The following NUP98 variants were observed in gnomAD, a reference collection of about 807,000 sequenced individuals.
The protein encoded by NUP98 is nucleoporin 98 and 96 precursor, also known as nuclear pore complex protein Nup98-Nup96.
NUP98 carries 26 observed loss-of-function variants against 191.9 expected under a neutral mutation model. The ratio of observed to expected loss-of-function variants is 0.14; its 90% CI spans 0.10 to 0.19. NUP98 has a LOEUF of 0.19. Ranked by LOEUF, NUP98 falls within the 10% of genes least tolerant of loss-of-function variation. The probability of loss-of-function intolerance (pLI) is 1.00; values close to 1 mark genes in which losing one functional copy is unlikely to be tolerated. For missense variants in NUP98, 1,941 were observed against 2,178.8 expected (o/e 0.89, Z 2.17); for synonymous variants, 808 against 778.4 (o/e 1.04, Z -0.63).
chr11:3,753,968 A>G (rs2080865455), intron 10 of NUP98, among the ~76,000 whole-genome samples: 1 of 151,404 alleles, frequency 6.6e-6, no homozygotes. Flanking sequence ...TAAATAAATA[A>G]AATAAAATAA....
chr11:3,696,439 T>C (rs941678955), intron 25 of NUP98, among the ~76,000 whole-genome samples: 8 of 151,666 alleles, frequency 5.3e-5, no homozygotes, highest in African/African-American at 1.9e-4. Flanking sequence ...AAGGCAGAAG[T>C]TGCAGTAAAC....
rs751433448 is a variant in NUP98, at chr11:3,683,460, T to G, written c.4677-19A>C. On this transcript the variant is annotated intron_variant, in intron 29 of 32. Transcript: ENST00000324932. ...ACGTATGCTACAGGGAGAGATAAGC[T>G]AGAATAAATCCCATCCTCATTCATG... The G allele has an allele frequency of 1.9e-6, 3 of 1,613,364 alleles. No homozygotes were observed. In the East Asian group the frequency reaches 6.7e-5, roughly 36 times the overall value.
At chr11:3,709,584 A>C (rs1203307945) in intron 20 of NUP98, among the ~76,000 whole-genome samples, 2 of 151,720 alleles carry the variant, frequency 1.3e-5, no homozygotes, top group Admixed American at 1.3e-4. Context: ...ATGCACCTGC[A>C]GTCCCAGTTA....
rs574289136 is a variant in NUP98, at chr11:3,699,152, A to C, written c.3939T>G (p.Pro1313=). ...TGAGGTAGCTGAATACAGCCTCCAC[A>C]GGGCTGTTTTTTTGGGTTAAGGAGA... is the stretch of plus-strand genomic sequence containing the variant. The part of the protein sequence containing the change: ...EEVSLTQKNS[P]VEAVFSYLTG... The change falls in exon 25 of 33, where the codon CCT becomes CCG. Residue 1313 remains proline, a synonymous_variant. Transcript: ENST00000324932. 1 of 1,613,948 alleles carries C rather than the reference A, an allele frequency of 6.2e-7. No homozygotes were observed. The highest frequency in any genetic ancestry group is 1.7e-5 in the Admixed American group (1 of 60,024).
chr11:3,730,924 C>A (rs1046557494), intron 14 of NUP98, among the ~76,000 whole-genome samples: 2 of 152,144 alleles, frequency 1.3e-5, no homozygotes, highest in African/African-American at 4.8e-5. Flanking sequence ...TGGGAGTGAT[C>A]GGGTGACTTT....
intron 26 of NUP98, among the ~76,000 whole-genome samples, chr11:3,693,910 TAAA>T (rs1589971393): frequency 6.6e-6 from 1 of 152,192 alleles, no homozygotes; most frequent in Non-Finnish European, 1.5e-5. Flanking sequence ...CCAACAGCCA[TAAA>T]ATGGAACATA....
At chr11:3,721,969 G>GA (rs2079419099) in intron 16 of NUP98, among the ~76,000 whole-genome samples, 1 of 152,010 alleles carries the variant, frequency 6.6e-6, no homozygotes, top group Non-Finnish European at 1.5e-5. Flanking sequence ...CTTGGGAAGG[G>GA]AACTCTAAAT....
chr11:3,720,792 A>C lies in NUP98; in HGVS notation c.2180T>G (p.Ile727Ser), dbSNP rs1243974516. ...IILTKVGYYT[I>S]PSMDDLAKIT... ...TTTAGCAAGGTCATCCATAGATGGA[A>C]TAGTATAGTAACCAACCTTAGTGAG... The change falls in exon 17 of 33, where the codon ATT becomes AGT. Residue 727 changes from isoleucine to serine, a missense_variant. Physicochemically the swap from Ile to Ser is moderately radical, Grantham distance 142 (BLOSUM62 -2). Transcript: ENST00000324932. 6.6e-7 allele frequency: 1 copy of C among 1,506,358 alleles called. No individual in the cohort carries two copies. 93.3% of individuals were successfully genotyped at this position (1,506,358 alleles called of 1,614,324 possible).
chr11:3,773,430 AC>A (rs1266257666), intron 6 of NUP98, among the ~76,000 whole-genome samples: 3 of 152,034 alleles, frequency 2.0e-5, no homozygotes, highest in Non-Finnish European at 4.4e-5. Flanking sequence ...ACCTTCACAT[AC>A]CCCTGAATAT....
chr11:3,736,615 G>A (rs988378745), intron 12 of NUP98, among the ~76,000 whole-genome samples: 3 of 152,278 alleles, frequency 2.0e-5, no homozygotes, highest in Middle Eastern at 3.4e-3. Context: ...GTGAAAGAGC[G>A]AGACTCTGCC....
At position 3,714,076 on chromosome 11, in the gene NUP98, A is replaced by C. The variant is rs988538693; in HGVS notation, c.2400-81T>G. On this transcript the variant is annotated intron_variant, in intron 18 of 32. Coordinates refer to ENST00000324932, the MANE Select transcript of NUP98 (RefSeq NM_016320.5). ...AGACCAGAAAGCCACCTAACACATA[A>C]ATAGTGAATAATGGTAACTATGCTG... 3.9e-6 allele frequency: 5 copies of C among 1,279,200 alleles called. No homozygotes were observed. In the African/African-American group the frequency reaches 7.5e-5, roughly 19 times the overall value. 79.2% of individuals were successfully genotyped at this position (1,279,200 alleles called of 1,614,324 possible).
chr11:3,793,484 C>T (rs1424592470), intron 1 of NUP98, among the ~76,000 whole-genome samples: 2 of 151,900 alleles, frequency 1.3e-5, no homozygotes, highest in East Asian at 2.0e-4. Context: ...TTCAGGGTTT[C>T]ACCATATTAG....
intron 10 of NUP98, among the ~76,000 whole-genome samples, chr11:3,758,122 C>G (rs1267132169): frequency 2.0e-5 from 3 of 151,066 alleles, no homozygotes; most frequent in African/African-American, 4.9e-5. Context: ...TCGAGACCAT[C>G]CTGGCTAACA....
At chr11:3,714,300 T>G (rs116638397) in intron 18 of NUP98, among the ~76,000 whole-genome samples, 1,886 of 152,294 alleles carry the variant, frequency 0.012, 48 homozygotes, top group African/African-American at 0.043. Context: ...TAAGTTACAG[T>G]CCAGTGGTAC....
At chr11:3,759,874 T>C (rs1425565235) in intron 10 of NUP98, among the ~76,000 whole-genome samples, 1 of 151,940 alleles carries the variant, frequency 6.6e-6, no homozygotes, top group African/African-American at 2.4e-5. Context: ...ACTTTCACTA[T>C]GTTGCCTAGG....
chr11:3,675,508 T>C lies in NUP98; in HGVS notation c.*651A>G, dbSNP rs1279181573. 4.3e-6 allele frequency: 1 copy of C among 230,838 alleles called. No homozygotes were observed. Among genetic ancestry groups the C allele is most frequent in the Non-Finnish European group, 8.6e-6 (1 of 116,624 alleles). The allele number at this position is 230,838 out of a possible 1,614,324, so 14.3% of individuals were successfully genotyped here. On this transcript the variant is annotated 3_prime_UTR_variant, in exon 33 of 33. Coordinates refer to ENST00000324932, the MANE Select transcript of NUP98 (RefSeq NM_016320.5). Reference sequence around the variant, plus strand: ...GACCAAGGGTTCCTGCACATAGTAGTAGCAAAGGTATGGTGTTCATGGAAC... The same window carrying C: ...GACCAAGGGTTCCTGCACATAGTAGCAGCAAAGGTATGGTGTTCATGGAAC...
Position 3,735,313 on chromosome 11 carries a change from G to C in NUP98, c.1420C>G (p.Pro474Ala). Residue 474 changes from proline (P) to alanine (A), a missense_variant, in exon 13 of 33, where the codon CCA becomes GCA. Coordinates refer to ENST00000324932, the MANE Select transcript of NUP98 (RefSeq NM_016320.5). ...GCCTGCTGGGCAGCAGAAGCATTTG[G>C]ATCTGTCAAAGCTTTTAAAAAAAAA... ...APQAPVALTDPNASAAQQAVL... is the reference protein window; with the variant it reads ...APQAPVALTDANASAAQQAVL... 1.3e-6 allele frequency: 2 copies of C among 1,525,972 alleles called. No homozygotes were observed. The highest frequency in any genetic ancestry group is 1.8e-6 in the Non-Finnish European group (2 of 1,136,804). 94.5% of individuals were successfully genotyped at this position (1,525,972 alleles called of 1,614,324 possible).
chr11:3,728,815 G>C (rs970070962), intron 14 of NUP98, among the ~76,000 whole-genome samples: 1 of 152,170 alleles, frequency 6.6e-6, no homozygotes, highest in Non-Finnish European at 1.5e-5. Context: ...AGAGATAGTG[G>C]TGGCTTGCAC....
At chr11:3,725,454 G>A (rs74049659) in intron 14 of NUP98, among the ~76,000 whole-genome samples, 3,988 of 152,272 alleles carry the variant, frequency 0.026, 196 homozygotes, top group African/African-American at 0.091. Context: ...ACACCTTCAA[G>A]TCAAAGTGGA....
Sources: gnomAD v4.1 joint callset for allele counts (sites outside exome capture counted in the v4.1 genomes callset) on GRCh38, gnomAD v4.1.1 for gene constraint, MANE v1.5 for transcripts, NCBI Gene and HGNC (gene_info 2026-07-23, HGNC 2026-07-21) for gene names.